The following FGD6 variants were observed in gnomAD, a reference collection of about 807,000 sequenced individuals.
FGD6 encodes the protein FYVE, RhoGEF and PH domain containing 6.
A neutral mutation model predicts 149.4 loss-of-function variants in FGD6; 90 were observed. That is an observed-to-expected ratio of 0.60 (90% CI 0.51 to 0.72). The LOEUF is 0.72. Among genes scored for constraint, FGD6 ranks in the 30% least tolerant of loss-of-function variants. The probability of loss-of-function intolerance (pLI) is 0.00; values close to 1 mark genes in which losing one functional copy is unlikely to be tolerated. For missense variants in FGD6, 1,437 were observed against 1,684.8 expected (o/e 0.85, Z 2.57); for synonymous variants, 527 against 584.0 (o/e 0.90, Z 1.41).
intron 7 of FGD6, among the ~76,000 whole-genome samples, chr12:95,137,016 G>A (rs1056275027): frequency 2.6e-5 from 4 of 152,156 alleles, no homozygotes; most frequent in African/African-American, 9.7e-5. Flanking sequence ...AGTGGCTCAC[G>A]CCTGTAATCC....
intron 5 of FGD6, among the ~76,000 whole-genome samples, chr12:95,148,230 A>C (rs897004009): frequency 3.3e-5 from 5 of 151,482 alleles, no homozygotes; most frequent in African/African-American, 1.2e-4. Flanking sequence ...AAGTGATTTT[A>C]ACATGGAAAA....
intron 14 of FGD6, among the ~76,000 whole-genome samples, chr12:95,095,211 G>A (rs1480303181): frequency 6.6e-6 from 1 of 152,118 alleles, no homozygotes; most frequent in Non-Finnish European, 1.5e-5. Flanking sequence ...AGCAGATGTT[G>A]ACAATGAGGT....
At chr12:95,143,469 C>T (rs992107217) in intron 5 of FGD6, among the ~76,000 whole-genome samples, 9 of 152,112 alleles carry the variant, frequency 5.9e-5, no homozygotes, top group Admixed American at 2.0e-4. Context: ...TTATTGATCC[C>T]ACAGTCACAT....
chr12:95,094,548 C>T, intron 15 of FGD6, 44 bp downstream of exon 15: 2 of 1,407,046 alleles, frequency 1.4e-6, no homozygotes, highest in Non-Finnish European at 2.0e-6. Flanking sequence ...AAGGTAAAAA[C>T]TTTGAAATGC....
intron 14 of FGD6, among the ~76,000 whole-genome samples, chr12:95,099,036 A>C (rs1878333379): frequency 6.6e-6 from 1 of 152,060 alleles, no homozygotes; most frequent in Non-Finnish European, 1.5e-5. Flanking sequence ...TGCCCAGCTA[A>C]TTTTTATATT....
rs770642407 is a variant in FGD6, at chr12:95,113,707, AAAG to A, written c.3083-9_3083-7del. ...TATGAGATTCTTCAAATAATCTAGA[AAAG>A]AAGAAAAAAAAGTATTTAAGTACAA... On this transcript the variant is annotated splice_region_variant and splice_polypyrimidine_tract_variant and intron_variant, in intron 8 of 20. Coordinates refer to ENST00000343958, the MANE Select transcript of FGD6 (RefSeq NM_018351.4). 1.3e-6 allele frequency: 2 copies of A among 1,565,148 alleles called. No individual in the cohort carries two copies. The highest frequency in any genetic ancestry group is 8.7e-7 in the Non-Finnish European group (1 of 1,149,200).
At chr12:95,185,846 G>C (rs757184002) in intron 2 of FGD6, among the ~76,000 whole-genome samples, 2 of 152,060 alleles carry the variant, frequency 1.3e-5, no homozygotes, top group Non-Finnish European at 2.9e-5. Flanking sequence ...GGGCAACAGC[G>C]CAAGACTCCA....
chr12:95,167,103 C>G (rs1207002856), intron 3 of FGD6, among the ~76,000 whole-genome samples: 2 of 152,086 alleles, frequency 1.3e-5, no homozygotes, highest in Non-Finnish European at 2.9e-5. Flanking sequence ...GATCTGCCCA[C>G]CTTGGCCTCG....
At chr12:95,134,887 C>T in intron 7 of FGD6, 61 bp from the exon 8 acceptor site, 3 of 1,409,052 alleles carry the variant, frequency 2.1e-6, no homozygotes, top group Non-Finnish European at 1.9e-6. Context: ...GACCCAGATT[C>T]AAGTGCTCAG....
chr12:95,212,197 T>C (rs571362384), intron 1 of FGD6, among the ~76,000 whole-genome samples: 1 of 152,206 alleles, frequency 6.6e-6, no homozygotes, highest in Non-Finnish European at 1.5e-5. Context: ...AAAAGTCACA[T>C]GTCTAGGTCC....
chr12:95,143,989 T>C (rs185927860), intron 5 of FGD6, among the ~76,000 whole-genome samples: 1 of 152,326 alleles, frequency 6.6e-6, no homozygotes, highest in Admixed American at 6.5e-5. Flanking sequence ...GTATTTCCTC[T>C]GCCATGACAG....
intron 2 of FGD6, among the ~76,000 whole-genome samples, chr12:95,194,893 A>G (rs1881698686): frequency 6.6e-6 from 1 of 152,216 alleles, no homozygotes; most frequent in African/African-American, 2.4e-5. Context: ...ATGTGAATCT[A>G]CAGTTATATC....
At chr12:95,106,909 A>AAACAT in intron 13 of FGD6, 45 bp downstream of exon 13, 1 of 1,359,994 alleles carries the variant, frequency 7.4e-7, no homozygotes, top group Non-Finnish European at 9.9e-7. Context: ...AAACAAAACA[A>AAACAT]AACAAAACAA....
At chr12:95,091,345 A>C (rs1878048674) in intron 17 of FGD6, among the ~76,000 whole-genome samples, 1 of 152,196 alleles carries the variant, frequency 6.6e-6, no homozygotes, top group Non-Finnish European at 1.5e-5. Flanking sequence ...GTGCCACCTA[A>C]GTAAAGAGAA....
At chr12:95,138,797 A>C (rs1239563085) in intron 6 of FGD6, among the ~76,000 whole-genome samples, 1 of 152,136 alleles carries the variant, frequency 6.6e-6, no homozygotes, top group African/African-American at 2.4e-5. Context: ...CCACCTTCAC[A>C]GAGGGCTTTC....
In FGD6 at chr12:95,082,984, T is replaced by TTAA. The variant is rs1386719189; in HGVS notation, c.4257-1429_4257-1428insTTA. ...CAACATTGCTAGACTCTGTCTCCATTAAAAAAAAAAAAAAAAAAAAAAAAA... is the reference window on the plus strand; with the variant it reads ...CAACATTGCTAGACTCTGTCTCCATTTAAAAAAAAAAAAAAAAAAAAAAAAAAA... On this transcript the variant is annotated intron_variant, in intron 20 of 20. Coordinates refer to ENST00000343958, the MANE Select transcript of FGD6 (RefSeq NM_018351.4). Among the ~76,000 whole-genome samples the TTAA allele has an allele frequency of 1.2e-3, 37 of 31,130 alleles. 5 individuals are homozygous for TTAA. The highest frequency in any genetic ancestry group is 7.9e-3 in the South Asian group (4 of 506). 20.4% of individuals were successfully genotyped at this position (31,130 alleles called of 152,430 possible). A position where few individuals can be genotyped will look rare whatever the true frequency, so the allele number is the denominator to read the frequency against.
At chr12:95,181,176 G>T (rs1312269784) in intron 2 of FGD6, among the ~76,000 whole-genome samples, 1 of 152,128 alleles carries the variant, frequency 6.6e-6, no homozygotes, top group African/African-American at 2.4e-5. Flanking sequence ...AAAAAAAGAA[G>T]TCAGTAGAGG....
chr12:95,141,672 A>G lies in FGD6; in HGVS notation c.2686-133T>C. ...ATTTCTCATGCAGAATTACAAATCT[A>G]AAGTACCCCCTTCCTCCTACCCCAC... is the stretch of plus-strand genomic sequence containing the variant. On this transcript the variant is annotated intron_variant, in intron 5 of 20. Transcript: ENST00000343958. 3 of 1,007,140 alleles carry G rather than the reference A, an allele frequency of 3.0e-6. 1 individual carries two copies. The South Asian group carries it at 5.8e-5, about 19-fold the overall frequency. The allele number at this position is 1,007,140 out of a possible 1,614,324, so 62.4% of individuals were successfully genotyped here.
intron 1 of FGD6, among the ~76,000 whole-genome samples, 161 bp downstream of exon 1, chr12:95,217,064 A>G (rs904010505): frequency 2.6e-5 from 4 of 152,186 alleles, no homozygotes; most frequent in South Asian, 2.1e-4. Context: ...AAAGACGAGA[A>G]AGCCGGCAGC....
Sources: gnomAD v4.1 joint callset for allele counts (sites outside exome capture counted in the v4.1 genomes callset) on GRCh38, gnomAD v4.1.1 for gene constraint, MANE v1.5 for transcripts, NCBI Gene and HGNC (gene_info 2026-07-23, HGNC 2026-07-21) for gene names.